The following SMAP1 variants were observed in gnomAD, a reference collection of about 807,000 sequenced individuals.
SMAP1 encodes stromal membrane-associated protein 1.
Under a neutral mutation model 58.5 loss-of-function variants are expected in SMAP1, and 24 were observed. The ratio of observed to expected loss-of-function variants is 0.41; its 90% confidence interval spans 0.30 to 0.58. SMAP1 has a LOEUF of 0.58. SMAP1 is among the 20% of genes least tolerant of loss of function. SMAP1 has a pLI of 0.29. For synonymous variants in SMAP1, 216 were observed against 196.6 expected (o/e 1.10, Z -0.82); for missense variants, 563 against 566.3 (o/e 0.99, Z 0.06).
At chr6:70,704,636 G>A (rs547709632) in intron 1 of SMAP1, among the ~76,000 whole-genome samples, 10 of 152,106 alleles carry the variant, frequency 6.6e-5, no homozygotes, top group Non-Finnish European at 1.5e-4. Flanking sequence ...CTGCTAAAAT[G>A]CAAACAAGGC....
At chr6:70,706,196 A>G (rs1394419733) in intron 1 of SMAP1, among the ~76,000 whole-genome samples, 2 of 152,042 alleles carry the variant, frequency 1.3e-5, no homozygotes, top group South Asian at 2.1e-4. Flanking sequence ...GGTGGATCCT[A>G]TTTTGATTTT....
chr6:70,770,384 A>G (rs1001856938), intron 3 of SMAP1, among the ~76,000 whole-genome samples: 7 of 152,196 alleles, frequency 4.6e-5, no homozygotes, highest in African/African-American at 1.7e-4. Context: ...TTTCAGGTAG[A>G]TCAATCAGAC....
chr6:70,687,644 CACAGTTGAATAT>C (rs1368338289), intron 1 of SMAP1, among the ~76,000 whole-genome samples: 1 of 152,026 alleles, frequency 6.6e-6, no homozygotes, highest in African/African-American at 2.4e-5. Context: ...ATGTGTGAAT[CACAGTTGAATAT>C]ATGTTGGATG....
intron 7 of SMAP1, among the ~76,000 whole-genome samples, chr6:70,843,383 CA>C (rs1355835158): frequency 6.6e-6 from 1 of 152,018 alleles, no homozygotes; most frequent in Non-Finnish European, 1.5e-5. Context: ...AACTAGATGC[CA>C]GGGGCTGTCT....
At chr6:70,853,141 T>A (rs1771252466) in intron 8 of SMAP1, among the ~76,000 whole-genome samples, 1 of 152,178 alleles carries the variant, frequency 6.6e-6, no homozygotes, top group Non-Finnish European at 1.5e-5. Flanking sequence ...ACTGTCTTTT[T>A]AAAATAAAGG....
intron 6 of SMAP1, among the ~76,000 whole-genome samples, chr6:70,814,141 G>A (rs547649918): frequency 1.3e-5 from 2 of 152,280 alleles, no homozygotes; most frequent in African/African-American, 4.8e-5. Context: ...CCTGCCAAAA[G>A]ATGGCTGTTC....
intron 1 of SMAP1, among the ~76,000 whole-genome samples, chr6:70,696,610 T>C (rs1767416093): frequency 6.6e-6 from 1 of 152,184 alleles, no homozygotes; most frequent in African/African-American, 2.4e-5. Context: ...AGAGAAGATA[T>C]TTGATGTGAA....
At chr6:70,787,508 A>T (rs1366280831) in intron 4 of SMAP1, among the ~76,000 whole-genome samples, 1 of 152,138 alleles carries the variant, frequency 6.6e-6, no homozygotes, top group Non-Finnish European at 1.5e-5. Flanking sequence ...CAGAGTGAAC[A>T]GGCAACCTAC....
At chr6:70,744,433 G>C (rs2149876762) in intron 2 of SMAP1, among the ~76,000 whole-genome samples, 1 of 151,848 alleles carries the variant, frequency 6.6e-6, no homozygotes, top group Middle Eastern at 3.4e-3. Context: ...GTTTGGTTTT[G>C]TATCCTTGTG....
rs376813628 is a variant in SMAP1, at chr6:70,798,782, A to C, written c.576+45A>C. On this transcript the variant is annotated intron_variant, in intron 6 of 10. Coordinates refer to ENST00000370455, the MANE Select transcript of SMAP1 (RefSeq NM_001044305.3). The stretch of plus-strand genomic sequence containing the variant: ...AATAATCTATTAGGATTACCATTTT[A>C]TTTGTATACTTATATATTAATGACT... The C allele has an allele frequency of 7.8e-5, 106 of 1,364,476 alleles. No homozygotes were observed. In the African/African-American group the frequency reaches 1.4e-3, roughly 18 times the overall value. The allele number at this position is 1,364,476 out of a possible 1,614,324, so 84.5% of individuals were successfully genotyped here.
At chr6:70,695,894 C>T (rs753662573) in intron 1 of SMAP1, among the ~76,000 whole-genome samples, 5 of 152,154 alleles carry the variant, frequency 3.3e-5, no homozygotes, top group Non-Finnish European at 7.4e-5. Context: ...AGCAGTGAAG[C>T]CATTGGGTCC....
At chr6:70,839,857 G>T (rs998004256) in intron 7 of SMAP1, among the ~76,000 whole-genome samples, 1 of 152,032 alleles carries the variant, frequency 6.6e-6, no homozygotes, top group East Asian at 1.9e-4. Flanking sequence ...GCATAAAATC[G>T]ATGAATTCAT....
At chr6:70,859,478 A>C in intron 10 of SMAP1, 1 of 1,080,754 alleles carries the variant, frequency 9.3e-7, no homozygotes, top group Non-Finnish European at 1.3e-6. Context: ...AGTTTATGTT[A>C]GTGTCTTTGA....
intron 3 of SMAP1, among the ~76,000 whole-genome samples, chr6:70,770,833 T>C (rs1369084875): frequency 2.6e-5 from 4 of 152,212 alleles, no homozygotes; most frequent in South Asian, 2.1e-4. Flanking sequence ...CTCTGCTTTT[T>C]AGAGTTTCCA....
chr6:70,812,138 A>G (rs1769418540), intron 6 of SMAP1, among the ~76,000 whole-genome samples: 1 of 152,192 alleles, frequency 6.6e-6, no homozygotes, highest in South Asian at 2.1e-4. Context: ...ACTGAAAGCA[A>G]AACGTTAGGT....
At chr6:70,720,045 A>G (rs1768451692) in intron 1 of SMAP1, among the ~76,000 whole-genome samples, 1 of 152,206 alleles carries the variant, frequency 6.6e-6, no homozygotes, top group South Asian at 2.1e-4. Context: ...AAAAGTCCAC[A>G]GTCCAAATTC....
intron 1 of SMAP1, among the ~76,000 whole-genome samples, chr6:70,680,933 G>T (rs1392742809): frequency 6.6e-6 from 1 of 151,662 alleles, no homozygotes; most frequent in African/African-American, 2.4e-5. Context: ...TGGCCAGGCT[G>T]GTCTCGAACT....
At chr6:70,845,863 T>A (rs1486716883) in intron 7 of SMAP1, among the ~76,000 whole-genome samples, 1 of 152,134 alleles carries the variant, frequency 6.6e-6, no homozygotes, top group East Asian at 1.9e-4. Flanking sequence ...CATTTATGAT[T>A]GAGAGAAAGA....
chr6:70,718,819 CAA>C lies in SMAP1; in HGVS notation c.119-13537_119-13536del, dbSNP rs5877259. ...TGGGTGACAGTGTAAGACTCCATCT[CAA>C]AAAAAAAAAAAAAAAAAAAAAGTGT... On this transcript the variant is annotated intron_variant, in intron 1 of 10. Coordinates refer to ENST00000370455, the MANE Select transcript of SMAP1 (RefSeq NM_001044305.3). 1.1e-3 allele frequency among the ~76,000 whole-genome samples: 65 copies of C among 57,542 alleles called. No homozygotes were observed. In the East Asian group the frequency reaches 0.013, roughly 11 times the overall value. 37.7% of individuals were successfully genotyped at this position (57,542 alleles called of 152,430 possible).
Sources: allele counts gnomAD v4.1 joint callset (sites outside exome capture counted in the v4.1 genomes callset), GRCh38; gene constraint gnomAD v4.1.1; transcripts MANE v1.5; gene names NCBI Gene and HGNC (gene_info 2026-07-23, HGNC 2026-07-21).